The following HSPA4 variants were observed in gnomAD, a reference collection of about 807,000 sequenced individuals.
HSPA4 encodes the protein heat shock 70 kDa protein 4.
A neutral mutation model predicts 106.2 loss-of-function variants in HSPA4; 25 were observed. That is an observed-to-expected ratio of 0.24 (90% CI 0.17 to 0.33). The LOEUF is 0.33. Among genes scored for constraint, HSPA4 ranks in the 10% least tolerant of loss-of-function variants. The pLI is 1.00. For missense variants in HSPA4, 841 were observed against 996.0 expected (o/e 0.84, Z 2.10); for synonymous variants, 332 against 333.6 (o/e 1.00, Z 0.05).
chr5:133,105,836 C>G lies in HSPA4; in HGVS notation c.*1400C>G, dbSNP rs148218880. On this transcript the variant is annotated 3_prime_UTR_variant, in exon 19 of 19. Transcript: ENST00000304858. ...TTGAAAAGTTTGAGTGTTACAGGCT[C>G]TAAAGTGCAATGGAGAACAATTGCT... 1 of 152,022 alleles carries G rather than the reference C, an allele frequency of 6.6e-6. No individual in the cohort carries two copies. Among genetic ancestry groups the G allele is most frequent in the Non-Finnish European group, 1.5e-5 (1 of 68,020 alleles). 9.4% of individuals were successfully genotyped at this position (152,022 alleles called of 1,614,324 possible).
chr5:133,073,948 T>C, intron 5 of HSPA4, 45 bp from the exon 6 acceptor site: 2 of 1,383,764 alleles, frequency 1.4e-6, no homozygotes, highest in East Asian at 2.4e-5. Flanking sequence ...ATGAATTTTA[T>C]TTACTTAGAC....
chr5:133,101,444 T>C (rs950972828), intron 16 of HSPA4, among the ~76,000 whole-genome samples: 1 of 152,214 alleles, frequency 6.6e-6, no homozygotes, highest in Non-Finnish European at 1.5e-5. Flanking sequence ...AATTAAAACA[T>C]TTTTTATTTT....
rs1467817387 is a variant in HSPA4, at chr5:133,052,013, G to C, written c.-238G>C. 15 of 545,458 alleles carry C rather than the reference G, an allele frequency of 2.7e-5. No individual in the cohort carries two copies. The highest frequency in any genetic ancestry group is 2.4e-4 in the African/African-American group (12 of 50,148). 33.8% of individuals were successfully genotyped at this position (545,458 alleles called of 1,614,324 possible). On this transcript the variant is annotated 5_prime_UTR_variant, in exon 1 of 19. Transcript: ENST00000304858. ...CGCTCTCGTCGCAACGAGATCTTTC[G>C]AGATCTTCTCCGCCCCCGCTACCGG...
In HSPA4 at chr5:133,070,330, A is replaced by C. The variant is rs374049934; in HGVS notation, c.307-44A>C. 1.1e-5 allele frequency: 17 copies of C among 1,576,918 alleles called. No individual in the cohort carries two copies. In the African/African-American group the frequency reaches 2.4e-4, roughly 22 times the overall value. Reference sequence around the variant, plus strand: ...TAGCTTTTAGGACTAGGACATGAAGAAAGAAATATAATAAGTCTAGGCCCC... The same window carrying C: ...TAGCTTTTAGGACTAGGACATGAAGCAAGAAATATAATAAGTCTAGGCCCC... On this transcript the variant is annotated intron_variant, in intron 3 of 18. Coordinates refer to ENST00000304858, the MANE Select transcript of HSPA4 (RefSeq NM_002154.4).
chr5:133,057,695 A>G (rs868426574), intron 1 of HSPA4, among the ~76,000 whole-genome samples: 2 of 152,234 alleles, frequency 1.3e-5, no homozygotes, highest in Non-Finnish European at 1.5e-5. Flanking sequence ...TAGGACTTAA[A>G]GATTAGAACA....
chr5:133,101,213 A>T (rs530639487), intron 16 of HSPA4, among the ~76,000 whole-genome samples: 1 of 152,220 alleles, frequency 6.6e-6, no homozygotes, highest in South Asian at 2.1e-4. Flanking sequence ...GATTTTATTG[A>T]TGTCGCTTAT....
chr5:133,064,367 G>T (rs11747364), intron 1 of HSPA4, among the ~76,000 whole-genome samples: 2 of 152,122 alleles, frequency 1.3e-5, no homozygotes, highest in Non-Finnish European at 2.9e-5. Flanking sequence ...TTAGCTGGGC[G>T]TGATGGTGCA....
At chr5:133,055,557 T>A (rs917099853) in intron 1 of HSPA4, among the ~76,000 whole-genome samples, 1 of 152,140 alleles carries the variant, frequency 6.6e-6, no homozygotes, top group Non-Finnish European at 1.5e-5. Flanking sequence ...CCACCCAATT[T>A]AGGCTTCCTT....
chr5:133,079,696 A>T (rs565380446), intron 7 of HSPA4, among the ~76,000 whole-genome samples: 1 of 152,304 alleles, frequency 6.6e-6, no homozygotes, highest in South Asian at 2.1e-4. Flanking sequence ...GGAATCTCCA[A>T]ACTATATTTC....
chr5:133,100,568 G>A (rs2126717342), intron 16 of HSPA4, among the ~76,000 whole-genome samples: 1 of 152,238 alleles, frequency 6.6e-6, no homozygotes, highest in Middle Eastern at 3.4e-3. Flanking sequence ...GGGAGGCCTA[G>A]GCGGGCGGAT....
chr5:133,080,195 C>T (rs957904701), intron 7 of HSPA4, among the ~76,000 whole-genome samples: 4 of 151,388 alleles, frequency 2.6e-5, no homozygotes, highest in African/African-American at 9.7e-5. Context: ...GGGCGGATGG[C>T]TTGAGCTCAG....
chr5:133,087,972 CTG>C (rs1185364435), intron 8 of HSPA4, among the ~76,000 whole-genome samples: 2 of 152,192 alleles, frequency 1.3e-5, no homozygotes, highest in Non-Finnish European at 2.9e-5. Flanking sequence ...GATTAGAACA[CTG>C]GAGTAGCTGG....
chr5:133,081,743 G>A (rs1477345552), intron 7 of HSPA4, among the ~76,000 whole-genome samples: 1 of 152,094 alleles, frequency 6.6e-6, no homozygotes, highest in African/African-American at 2.4e-5. Flanking sequence ...TTTGAGGTTT[G>A]TGGGCATATT....
intron 15 of HSPA4, among the ~76,000 whole-genome samples, chr5:133,098,020 G>A (rs1376964771): frequency 6.6e-6 from 1 of 151,250 alleles, no homozygotes; most frequent in Non-Finnish European, 1.5e-5. Context: ...TGTCATCCAC[G>A]TCCTGTACAT....
chr5:133,097,549 C>CAT (rs1554090161), intron 15 of HSPA4, among the ~76,000 whole-genome samples: 1 of 127,586 alleles, frequency 7.8e-6, no homozygotes, highest in Non-Finnish European at 1.6e-5. Flanking sequence ...CTTTTCTTTT[C>CAT]TTTTTTTTTT....
chr5:133,104,498 T>A lies in HSPA4; in HGVS notation c.*62T>A. 6.8e-7 allele frequency: 1 copy of A among 1,465,262 alleles called. No homozygotes were observed. Among genetic ancestry groups the A allele is most frequent in the Non-Finnish European group, 9.5e-7 (1 of 1,057,200 alleles). 90.8% of individuals were successfully genotyped at this position (1,465,262 alleles called of 1,614,324 possible). ...AAGCTTTAAGTTGTCAACTTTGTTC[T>A]AAATATCAACTAGCGCAAGTGAATA... On this transcript the variant is annotated 3_prime_UTR_variant, in exon 19 of 19. Transcript: ENST00000304858.
At position 133,068,707 on chromosome 5, in the gene HSPA4, G is replaced by A. The variant is rs949930158; in HGVS notation, c.306+1150G>A. On this transcript the variant is annotated intron_variant, in intron 3 of 18. Coordinates refer to ENST00000304858, the MANE Select transcript of HSPA4 (RefSeq NM_002154.4). ...AGTAAAAGATGAAGCTGAAGCACAG[G>A]AGAGAGAAAGGGGTTAAAAAGGGAG... is the stretch of plus-strand genomic sequence containing the variant. Among the ~76,000 whole-genome samples, 12 of 152,148 alleles carry A rather than the reference G, an allele frequency of 7.9e-5. No homozygotes were observed. In the East Asian group the frequency reaches 2.3e-3, roughly 29 times the overall value.
intron 13 of HSPA4, among the ~76,000 whole-genome samples, chr5:133,093,250 G>A (rs914915379): frequency 2.0e-5 from 3 of 152,002 alleles, no homozygotes; most frequent in Non-Finnish European, 4.4e-5. Flanking sequence ...ATTTTTTTAG[G>A]AAGATTTTGT....
chr5:133,096,867 T>C (rs553196704), intron 14 of HSPA4, among the ~76,000 whole-genome samples: 5 of 152,340 alleles, frequency 3.3e-5, no homozygotes, highest in African/African-American at 9.6e-5. Context: ...GGATATCACT[T>C]AGTGACATTG....
Sources: gnomAD v4.1 joint callset for allele counts (sites outside exome capture counted in the v4.1 genomes callset) on GRCh38, gnomAD v4.1.1 for gene constraint, MANE v1.5 for transcripts, NCBI Gene and HGNC (gene_info 2026-07-23, HGNC 2026-07-21) for gene names.